Variants in ABCB9 observed in about 807,000 individuals in gnomAD.
ABCB9 encodes the protein ABC-type oligopeptide transporter ABCB9.
ABCB9 carries 36 observed loss-of-function variants against 62.0 expected under a neutral mutation model. The ratio of observed to expected loss-of-function variants is 0.58; its 90% CI spans 0.45 to 0.77. ABCB9 has a LOEUF of 0.77. Ranked by LOEUF, ABCB9 falls within the 30% of genes least tolerant of loss-of-function variation. The pLI is 0.00. For missense variants in ABCB9, 943 were observed against 1,054.7 expected, an observed-to-expected ratio of 0.89 and a Z score of 1.47; for synonymous variants, 435 against 461.4, an observed-to-expected ratio of 0.94 and a Z score of 0.73.
Position 122,929,336 on chromosome 12 carries a change from G to C in ABCB9, c.*575C>G. The C allele has an allele frequency of 1.0e-6, 1 of 986,004 alleles. No individual in the cohort carries two copies. The highest frequency in any genetic ancestry group is 1.2e-6 in the Non-Finnish European group (1 of 830,046). 61.1% of individuals were successfully genotyped at this position (986,004 alleles called of 1,614,324 possible). ...GATTGGCAGCGGGCGATGGCAGACA[G>C]ATGCCCTCCACGCTCCCTACCCGCC... On this transcript the variant is annotated 3_prime_UTR_variant, in exon 12 of 12. Coordinates refer to ENST00000280560, the MANE Select transcript of ABCB9 (RefSeq NM_019625.4). The surrounding 1 kb of genome is among the most constrained non-coding windows in gnomAD (Gnocchi z 6.0).
Position 122,930,462 on chromosome 12 carries a change from C to T in ABCB9, c.2041-291G>A, listed in dbSNP as rs1009616097. The stretch of plus-strand genomic sequence containing the variant: ...TCTTGCTGTCACCCAGGCTGGAGTG[C>T]GGTGGTGCGATCTCAGCTCACTGCA... On this transcript the variant is annotated intron_variant, in intron 11 of 11. Coordinates refer to ENST00000280560, the MANE Select transcript of ABCB9 (RefSeq NM_019625.4). The surrounding 1 kb of genome is among the most constrained non-coding windows in gnomAD (Gnocchi z 4.9). 2.1e-5 allele frequency among the ~76,000 whole-genome samples: 3 copies of T among 144,174 alleles called. No homozygotes were observed. The highest frequency in any genetic ancestry group is 7.2e-5 in the Admixed American group (1 of 13,872). The allele number at this position is 144,174 out of a possible 152,430, so 94.6% of individuals were successfully genotyped here.
chr12:122,943,603 G>A (rs1566170791), intron 7 of ABCB9, among the ~76,000 whole-genome samples: 1 of 152,066 alleles, frequency 6.6e-6, no homozygotes, highest in Non-Finnish European at 1.5e-5. Context: ...GGGTGTTGCT[G>A]TCACTTGTTG....
Position 122,959,583 on chromosome 12 carries a change from T to G in ABCB9, c.601+52A>C. On this transcript the variant is annotated intron_variant, in intron 2 of 11. Transcript: ENST00000280560. This position sits in a 1 kb window ranked among gnomAD's most constrained non-coding sequence, Gnocchi z 5.4. ...TCTTTTAAAATCTAAGGCAGTCATA[T>G]CCACCTAATTTGATGTTCTGGTGGC... The G allele has an allele frequency of 6.6e-7, 1 of 1,511,022 alleles. No homozygotes were observed. Among genetic ancestry groups the G allele is most frequent in the South Asian group, 1.3e-5 (1 of 74,716 alleles). The allele number at this position is 1,511,022 out of a possible 1,614,324, so 93.6% of individuals were successfully genotyped here.
chr12:122,960,079 C>T lies in ABCB9; in HGVS notation c.157G>A (p.Ala53Thr). The T allele has an allele frequency of 6.2e-7, 1 of 1,613,474 alleles. No individual in the cohort carries two copies. Among genetic ancestry groups the T allele is most frequent in the Non-Finnish European group, 8.5e-7 (1 of 1,180,042 alleles). The change falls in exon 2 of 12, where the codon GCC becomes ACC. Residue 53 changes from alanine (A) to threonine (T), a missense_variant. By Grantham distance (58) the Ala-to-Thr change is moderately conservative. Coordinates refer to ENST00000280560, the MANE Select transcript of ABCB9 (RefSeq NM_019625.4). ...AGCAGGCAGCTGCGGTACAGGCAGGCTGCCCAGAGATCCAGCACCGAGTCA... is the reference window on the plus strand; with the variant it reads ...AGCAGGCAGCTGCGGTACAGGCAGGTTGCCCAGAGATCCAGCACCGAGTCA... The part of the protein sequence containing the change: ...IFDSVLDLWA[A>T]CLYRSCLLLG...
Position 122,944,346 on chromosome 12 carries a change from A to C in ABCB9, c.1380+45T>G. ...ACCCTGTTAAGATCCCTCTTCCCCA[A>C]ACTCCTCCCTTCTCTCTGGATCCCC... On this transcript the variant is annotated intron_variant, in intron 7 of 11. Transcript: ENST00000280560. The surrounding 1 kb of genome is among the most constrained non-coding windows in gnomAD (Gnocchi z 4.9). 1.9e-6 allele frequency: 3 copies of C among 1,571,652 alleles called. No individual in the cohort carries two copies. The highest frequency in any genetic ancestry group is 2.6e-6 in the Non-Finnish European group (3 of 1,152,560).
At chr12:122,941,706 G>A (rs749458628) in intron 7 of ABCB9, among the ~76,000 whole-genome samples, 12 of 151,542 alleles carry the variant, frequency 7.9e-5, no homozygotes, top group Non-Finnish European at 1.3e-4. Flanking sequence ...TCATAATAAC[G>A]GCCCATTTTC....
rs1483317601 is a variant in ABCB9, at chr12:122,930,132, C to A, written c.2080G>T (p.Val694Leu). 6.4e-7 allele frequency: 1 copy of A among 1,553,162 alleles called. No homozygotes were observed. Among genetic ancestry groups the A allele is most frequent in the Non-Finnish European group, 8.7e-7 (1 of 1,147,960 alleles). The change falls in exon 12 of 12, where the codon GTA becomes TTA. Residue 694 changes from valine to leucine, a missense_variant. Physicochemically the swap from Val to Leu is conservative, Grantham distance 32. Transcript: ENST00000280560. The surrounding 1 kb of genome is among the most constrained non-coding windows in gnomAD (Gnocchi z 4.9). ...CTCAGCCGGTGCGCGATGATGAGTA[C>A]CGTGTGCTTCTGCAGGTTGCCATGG... is the stretch of plus-strand genomic sequence containing the variant. ...AIHGNLQKHTVLIIAHRLSTV... is the reference protein window; with the variant it reads ...AIHGNLQKHTLLIIAHRLSTV...
intron 6 of ABCB9, among the ~76,000 whole-genome samples, chr12:122,945,363 C>A (rs542415788): frequency 7.9e-5 from 12 of 152,258 alleles, no homozygotes; most frequent in African/African-American, 2.9e-4. Flanking sequence ...TGACATGATC[C>A]AAGTGCTCCC....
In ABCB9 at chr12:122,944,408, G is replaced by C. The variant is rs768387970; in HGVS notation, c.1363C>G (p.Leu455Val). 3.7e-6 allele frequency: 6 copies of C among 1,605,198 alleles called. No homozygotes were observed. The highest frequency in any genetic ancestry group is 5.1e-6 in the Non-Finnish European group (6 of 1,174,720). Residue 455 changes from leucine to valine, a missense_variant, in exon 7 of 12, where the codon CTG (leucine) becomes GTG (valine). Leu to Val is a conservative substitution (Grantham distance 32, BLOSUM62 1). Coordinates refer to ENST00000280560, the MANE Select transcript of ABCB9 (RefSeq NM_019625.4). This position sits in a 1 kb window ranked among gnomAD's most constrained non-coding sequence, Gnocchi z 4.9. Reference sequence around the variant, plus strand: ...CCTCTCACCTCCATACAATCTCCCAGGACAAACTCGTAGATGATGAAGGCG... The same window carrying C: ...CCTCTCACCTCCATACAATCTCCCACGACAAACTCGTAGATGATGAAGGCG... ...LIAFIIYEFVLGDCMESVGSV... is the reference protein window; with the variant it reads ...LIAFIIYEFVVGDCMESVGSV...
intron 11 of ABCB9, among the ~76,000 whole-genome samples, chr12:122,922,835 C>T (rs538056597): frequency 5.9e-5 from 9 of 152,280 alleles, no homozygotes; most frequent in South Asian, 2.1e-4. Flanking sequence ...CTCTATCACC[C>T]GGGCTGGAGT....
At position 122,929,415 on chromosome 12, in the gene ABCB9, G is replaced by C; in HGVS notation, c.*496C>G. ...GGAGAGACGGAAAATCCCGTTCCCC[G>C]TGTCTCCCTCCGGGACAGGGAAGCC... On this transcript the variant is annotated 3_prime_UTR_variant, in exon 12 of 12. Coordinates refer to ENST00000280560, the MANE Select transcript of ABCB9 (RefSeq NM_019625.4). The surrounding 1 kb of genome is among the most constrained non-coding windows in gnomAD (Gnocchi z 6.0). 1.0e-6 allele frequency: 1 copy of C among 986,910 alleles called. No homozygotes were observed. 61.1% of individuals were successfully genotyped at this position (986,910 alleles called of 1,614,324 possible).
chr12:122,924,441 G>A (rs2034832777), downstream of ABCB9: 2 of 311,030 alleles, frequency 6.4e-6, no homozygotes, highest in East Asian at 8.0e-5. Flanking sequence ...CATAGCCCAT[G>A]GCAGCCTCAA....
At position 122,935,365 on chromosome 12, in the gene ABCB9, G is replaced by C. The variant is rs2035406631; in HGVS notation, c.1810C>G (p.Leu604Val). The C allele has an allele frequency of 6.2e-7, 1 of 1,614,022 alleles. No individual in the cohort carries two copies. The highest frequency in any genetic ancestry group is 1.3e-5 in the African/African-American group (1 of 74,944). Residue 604 changes from leucine to valine, a missense_variant, in exon 10 of 12, where the codon CTG (leucine) becomes GTG (valine). By Grantham distance (32) the Leu-to-Val change is conservative. Transcript: ENST00000280560. The stretch of plus-strand genomic sequence containing the variant: ...ACCATCTCGAAAGGCACAGTGGGCA[G>C]GCCGTAGGAGATGTTATCCGTGATG... ...RSITDNISYG[L>V]PTVPFEMVVE...
chr12:122,962,559 AAC>A (rs1471706074), intron 1 of ABCB9, among the ~76,000 whole-genome samples: 1 of 152,212 alleles, frequency 6.6e-6, no homozygotes, highest in Non-Finnish European at 1.5e-5. Context: ...CAGTTAGGGA[AAC>A]TGAGGCACAG....
Position 122,950,483 on chromosome 12 carries a change from A to C in ABCB9, c.684T>G (p.Ala228=). ...IQKSMDQFST[A]VVIVCLLAIG... is the part of the protein sequence containing the mutation. ...TGGCCAGCAGGCACACGATGACGACAGCCGTGCTGAACTGATCCATGCTTT... is the reference window on the plus strand; with the variant it reads ...TGGCCAGCAGGCACACGATGACGACCGCCGTGCTGAACTGATCCATGCTTT... The change falls in exon 3 of 12, where the codon GCT becomes GCG. Residue 228 remains alanine, a synonymous_variant. Coordinates refer to ENST00000280560, the MANE Select transcript of ABCB9 (RefSeq NM_019625.4). 20 of 1,612,982 alleles carry C rather than the reference A, an allele frequency of 1.2e-5. No homozygotes were observed. Among genetic ancestry groups the C allele is most frequent in the Non-Finnish European group, 1.7e-5 (20 of 1,179,916 alleles).
intron 11 of ABCB9, among the ~76,000 whole-genome samples, chr12:122,921,587 G>T (rs1433040537): frequency 6.6e-6 from 1 of 152,114 alleles, no homozygotes; most frequent in Non-Finnish European, 1.5e-5. Flanking sequence ...GACCAGCCTG[G>T]CCAACATGAT....
chr12:122,949,761 G>A (rs764122970), intron 4 of ABCB9, 27 bp downstream of exon 4: 1 of 1,612,828 alleles, frequency 6.2e-7, no homozygotes. Context: ...CAGCCCCCAG[G>A]ACACCTAGGG....
rs371906593 is a variant in ABCB9, at chr12:122,960,200, G to T, written c.36C>A (p.Ala12=). The change falls in exon 2 of 12, where the codon GCC becomes GCA. Residue 12 remains alanine, a synonymous_variant. Coordinates refer to ENST00000280560, the MANE Select transcript of ABCB9 (RefSeq NM_019625.4). ...RLWKAVVVTL[A]FMSVDICVTT... ...TCACGCAGATGTCCACACTCATGAA[G>T]GCCAAAGTCACCACCACCGCCTTCC... 25 of 1,613,006 alleles carry T rather than the reference G, an allele frequency of 1.5e-5. No homozygotes were observed. Among genetic ancestry groups the T allele is most frequent in the Non-Finnish European group, 1.7e-5 (20 of 1,179,746 alleles).
At position 122,930,224 on chromosome 12, in the gene ABCB9, C is replaced by T; in HGVS notation, c.2041-53G>A. On this transcript the variant is annotated intron_variant, in intron 11 of 11. Transcript: ENST00000280560. This position sits in a 1 kb window ranked among gnomAD's most constrained non-coding sequence, Gnocchi z 4.9. ...CATGGCACGGACGCCCCACCCGCAA[C>T]CGTGCTTCATGCCACGGCCTATGGG... The T allele has an allele frequency of 6.7e-7, 1 of 1,484,342 alleles. No homozygotes were observed. Among genetic ancestry groups the T allele is most frequent in the South Asian group, 1.3e-5 (1 of 77,130 alleles). The allele number at this position is 1,484,342 out of a possible 1,614,324, so 91.9% of individuals were successfully genotyped here. A position where few individuals can be genotyped will look rare whatever the true frequency, so the allele number is the denominator to read the frequency against.
Sources: gnomAD v4.1 joint callset for allele counts (sites outside exome capture counted in the v4.1 genomes callset) on GRCh38, gnomAD v4.1.1 for gene constraint, Gnocchi (gnomAD v3.1) non-coding constraint, MANE v1.5 for transcripts, NCBI Gene and HGNC (gene_info 2026-07-23, HGNC 2026-07-21) for gene names.